The following KAZN variants were observed in gnomAD, a reference collection of about 807,000 sequenced individuals.
The protein encoded by KAZN is kazrin.
In KAZN, 40 loss-of-function variants were observed where a neutral mutation model predicts 87.4. The observed-to-expected ratio is 0.46, with a 90% CI of 0.36 to 0.60. The LOEUF (loss-of-function observed/expected upper bound fraction) is 0.60, where lower values mean the gene tolerates loss of function less well. KAZN is among the 20% of genes least tolerant of loss of function. The pLI is 0.00. For synonymous variants in KAZN, 466 were observed against 458.3 expected, an observed-to-expected ratio of 1.02 and a Z score of -0.22; for missense variants, 898 against 1,073.9, an observed-to-expected ratio of 0.84 and a Z score of 2.29.
intron 1 of KAZN, among the ~76,000 whole-genome samples, chr1:13,965,930 C>T (rs1191241802): frequency 6.6e-6 from 1 of 152,150 alleles, no homozygotes; most frequent in Non-Finnish European, 1.5e-5. Context: ...CGTCCTCCTG[C>T]AAGAAGGGCT....
chr1:14,894,587 G>T (rs1483351646), intron 1 of KAZN, among the ~76,000 whole-genome samples: 1 of 152,172 alleles, frequency 6.6e-6, no homozygotes, highest in Non-Finnish European at 1.5e-5. Flanking sequence ...CCTCCTCCTG[G>T]AGCCTTCCCG....
intron 1 of KAZN, among the ~76,000 whole-genome samples, chr1:14,040,687 C>T (rs895495842): frequency 3.9e-5 from 6 of 152,118 alleles, no homozygotes; most frequent in Non-Finnish European, 8.8e-5. Flanking sequence ...ATCACTTGAA[C>T]TCGGGAGGCG....
intron 1 of KAZN, among the ~76,000 whole-genome samples, chr1:14,160,549 G>A (rs7523393): frequency 0.64 from 96,534 of 151,960 alleles, 32,055 homozygotes; most frequent in African/African-American, 0.83. Flanking sequence ...TGAAGTTAAA[G>A]CCAGCTACTC....
chr1:14,734,231 G>T (rs1643814706), intron 1 of KAZN, among the ~76,000 whole-genome samples: 1 of 152,124 alleles, frequency 6.6e-6, no homozygotes, highest in South Asian at 2.1e-4. Context: ...AGCACTCCGG[G>T]ATCTGGATAG....
intron 2 of KAZN, among the ~76,000 whole-genome samples, chr1:14,448,432 C>A (rs763066342): frequency 1.3e-5 from 2 of 152,362 alleles, no homozygotes; most frequent in Non-Finnish European, 2.9e-5. Flanking sequence ...CAACAGATAA[C>A]TGGAAGGTGT....
At chr1:14,616,801 A>G (rs781184941) in intron 1 of KAZN, among the ~76,000 whole-genome samples, 1 of 152,190 alleles carries the variant, frequency 6.6e-6, no homozygotes, top group Non-Finnish European at 1.5e-5. Context: ...GGCAGGATAC[A>G]CTTGGGAAGG....
At chr1:14,593,060 G>C (rs957386199) in intron 2 of KAZN, among the ~76,000 whole-genome samples, 4 of 152,216 alleles carry the variant, frequency 2.6e-5, no homozygotes, top group African/African-American at 9.6e-5. Flanking sequence ...AGGCAGTTTT[G>C]TGATGCTTGG....
At chr1:14,751,968 C>A (rs1644424724) in intron 1 of KAZN, among the ~76,000 whole-genome samples, 1 of 152,152 alleles carries the variant, frequency 6.6e-6, no homozygotes, top group African/African-American at 2.4e-5. Flanking sequence ...CACCCTTCTG[C>A]GTAATGTACA....
intron 1 of KAZN, among the ~76,000 whole-genome samples, chr1:14,665,025 A>G (rs1639433891): frequency 6.6e-6 from 1 of 152,198 alleles, no homozygotes; most frequent in South Asian, 2.1e-4. Flanking sequence ...AACCAACAGC[A>G]CAAATGATCC....
chr1:14,047,369 G>A (rs1642120031), intron 1 of KAZN, among the ~76,000 whole-genome samples: 1 of 152,062 alleles, frequency 6.6e-6, no homozygotes, highest in Non-Finnish European at 1.5e-5. Context: ...ATATTGATCT[G>A]GGTCCTCCTT....
chr1:14,566,599 A>G (rs1168229189), intron 2 of KAZN, among the ~76,000 whole-genome samples: 2 of 152,226 alleles, frequency 1.3e-5, no homozygotes, highest in Non-Finnish European at 2.9e-5. Context: ...TTTTTCCAAT[A>G]TAAAGCTATT....
At chr1:14,575,544 T>C (rs962441055) in intron 2 of KAZN, among the ~76,000 whole-genome samples, 8 of 152,144 alleles carry the variant, frequency 5.3e-5, no homozygotes, top group African/African-American at 1.7e-4. Context: ...GGAGCTACCA[T>C]TCAAGATGAG....
chr1:14,351,903 A>G (rs1269399136), intron 2 of KAZN, among the ~76,000 whole-genome samples: 1 of 152,172 alleles, frequency 6.6e-6, no homozygotes, highest in Non-Finnish European at 1.5e-5. Context: ...TCTTTTAGAG[A>G]ATCATATATA....
chr1:14,231,390 ATC>A (rs2100541710), intron 2 of KAZN, among the ~76,000 whole-genome samples: 2 of 33,256 alleles, frequency 6.0e-5, no homozygotes, highest in Non-Finnish European at 1.1e-4. Context: ...GGGAGGCTCT[ATC>A]TCATTTTTTT....
intron 1 of KAZN, among the ~76,000 whole-genome samples, chr1:14,695,935 A>G (rs1471316975): frequency 6.6e-6 from 1 of 152,172 alleles, no homozygotes; most frequent in Non-Finnish European, 1.5e-5. Flanking sequence ...CTGTTTATAA[A>G]TCTTGCCTGT....
At chr1:14,411,764 G>C (rs943971146) in intron 2 of KAZN, among the ~76,000 whole-genome samples, 2 of 152,174 alleles carry the variant, frequency 1.3e-5, no homozygotes, top group East Asian at 1.9e-4. Context: ...AGAAAATCAA[G>C]CATCAAATGT....
intron 1 of KAZN, among the ~76,000 whole-genome samples, chr1:14,048,957 G>T (rs1031389158): frequency 1.3e-5 from 2 of 152,012 alleles, no homozygotes; most frequent in Non-Finnish European, 2.9e-5. Flanking sequence ...TTTAATGATC[G>T]CCATTCTAAC....
At chr1:14,975,921 A>G (rs942809298) in intron 2 of KAZN, among the ~76,000 whole-genome samples, 5 of 151,448 alleles carry the variant, frequency 3.3e-5, no homozygotes, top group African/African-American at 1.2e-4. Context: ...AGTCCCAGCT[A>G]CTTGGGAGGC....
chr1:14,023,572 C>T (rs772089737), intron 1 of KAZN, among the ~76,000 whole-genome samples: 5 of 152,108 alleles, frequency 3.3e-5, no homozygotes, highest in African/African-American at 4.8e-5. Context: ...CCATAGGCTG[C>T]GCTTCTTCCT....
Sources: allele counts gnomAD v4.1 joint callset (sites outside exome capture counted in the v4.1 genomes callset), GRCh38; gene constraint gnomAD v4.1.1; transcripts MANE v1.5; gene names NCBI Gene and HGNC (gene_info 2026-07-23, HGNC 2026-07-21).